Variants in FSTL4 observed in about 807,000 individuals in gnomAD.
FSTL4 encodes follistatin-related protein 4.
FSTL4 carries 28 observed loss-of-function variants against 78.2 expected under a neutral mutation model. The ratio of observed to expected loss-of-function variants is 0.36; its 90% confidence interval spans 0.27 to 0.49. The LOEUF is 0.49. Ranked by LOEUF, FSTL4 falls within the 20% of genes least tolerant of loss-of-function variation. FSTL4 has a pLI of 0.98. For synonymous variants in FSTL4, 422 were observed against 440.5 expected, an observed-to-expected ratio of 0.96 and a Z score of 0.53; for missense variants, 922 against 1,084.9, an observed-to-expected ratio of 0.85 and a Z score of 2.11.
At chr5:133,625,470 T>A in the FSTL4 span, among the ~76,000 whole-genome samples, 3 of 151,466 alleles carry the variant, frequency 2.0e-5, no homozygotes, top group South Asian at 4.2e-4. Flanking sequence ...CCTTGTTTAA[T>A]TCCTGGTATT....
At chr5:133,653,241 C>T in the FSTL4 span, among the ~76,000 whole-genome samples, 1 of 152,194 alleles carries the variant, frequency 6.6e-6, no homozygotes, top group Admixed American at 6.5e-5. Context: ...ATTCTAAAAT[C>T]CCCTCAGTTC....
At chr5:133,805,544 A>C in the FSTL4 span, among the ~76,000 whole-genome samples, 1 of 152,366 alleles carries the variant, frequency 6.6e-6, no homozygotes, top group East Asian at 1.9e-4. Flanking sequence ...CTGTTATTGC[A>C]TGATCTTTTC....
At chr5:133,370,789 T>C (rs1170926971) in intron 4 of FSTL4, among the ~76,000 whole-genome samples, 2 of 150,516 alleles carry the variant, frequency 1.3e-5, no homozygotes, top group African/African-American at 4.9e-5. Context: ...GCAGAGGGGG[T>C]GGTTTCAGGA....
At position 133,199,841 on chromosome 5, in the gene FSTL4, G is replaced by A; in HGVS notation, c.1827-44C>T. The A allele has an allele frequency of 9.7e-7, 1 of 1,028,026 alleles. No homozygotes were observed. The highest frequency in any genetic ancestry group is 1.4e-6 in the Non-Finnish European group (1 of 693,522). The allele number at this position is 1,028,026 out of a possible 1,614,324, so 63.7% of individuals were successfully genotyped here. A position where few individuals can be genotyped will look rare whatever the true frequency, so the allele number is the denominator to read the frequency against. On this transcript the variant is annotated intron_variant, in intron 15 of 15. Transcript: ENST00000265342. The surrounding 1 kb of genome is among the most constrained non-coding windows in gnomAD (Gnocchi z 4.4). The stretch of plus-strand genomic sequence containing the variant: ...AGGTCAGAAGTTGCCTCCAGGGGTG[G>A]GGAATCTGTCATTTGTCTTAAACAA...
upstream of FSTL4, chr5:133,612,643 G>C (rs551961884): frequency 3.7e-4 from 56 of 151,864 alleles, no homozygotes; most frequent in African/African-American, 1.0e-3. This position sits in a 1 kb window ranked among gnomAD's most constrained non-coding sequence, Gnocchi z 6.2. Flanking sequence ...AGACCCGCGC[G>C]GCGGCCACGG....
chr5:133,669,032 C>A, the FSTL4 span, among the ~76,000 whole-genome samples: 1 of 152,154 alleles, frequency 6.6e-6, no homozygotes, highest in Non-Finnish European at 1.5e-5. Context: ...TTGCTATTAG[C>A]ATCACAATTC....
the FSTL4 span, among the ~76,000 whole-genome samples, chr5:133,760,987 A>G: frequency 6.6e-6 from 1 of 152,186 alleles, no homozygotes; most frequent in East Asian, 1.9e-4. Context: ...GCATGGCGGA[A>G]GCTCCTTGCA....
At chr5:133,568,900 G>C (rs1760088771) in intron 2 of FSTL4, among the ~76,000 whole-genome samples, 1 of 152,180 alleles carries the variant, frequency 6.6e-6, no homozygotes, top group South Asian at 2.1e-4. Context: ...ATATAATGTT[G>C]CATGTTCTTA....
intron 6 of FSTL4, among the ~76,000 whole-genome samples, chr5:133,257,384 C>T (rs572231524): frequency 5.9e-5 from 9 of 152,274 alleles, no homozygotes; most frequent in Non-Finnish European, 1.0e-4. Flanking sequence ...GTCCTGCTAT[C>T]GAGACATCCT....
At chr5:133,333,054 A>C (rs1051088058) in intron 4 of FSTL4, among the ~76,000 whole-genome samples, 1 of 151,728 alleles carries the variant, frequency 6.6e-6, no homozygotes, top group Non-Finnish European at 1.5e-5. Context: ...ATACACACAC[A>C]CTCACTCACA....
At chr5:133,419,278 C>G (rs2126985865) in intron 3 of FSTL4, among the ~76,000 whole-genome samples, 1 of 152,286 alleles carries the variant, frequency 6.6e-6, no homozygotes, top group East Asian at 1.9e-4. Context: ...TGCCACCATG[C>G]CCAGCTAATT....
the FSTL4 span, among the ~76,000 whole-genome samples, chr5:133,719,797 T>C: frequency 3.7e-3 from 557 of 152,266 alleles, 3 homozygotes; most frequent in African/African-American, 0.013. Context: ...ATGCCAATTT[T>C]CAGTTATTTT....
At chr5:133,402,893 G>A (rs911675400) in intron 3 of FSTL4, among the ~76,000 whole-genome samples, 3 of 152,226 alleles carry the variant, frequency 2.0e-5, no homozygotes, top group South Asian at 2.1e-4. Flanking sequence ...GGCATTCAGC[G>A]GCCCCTCTGC....
the FSTL4 span, among the ~76,000 whole-genome samples, chr5:133,766,137 G>T: frequency 6.6e-6 from 1 of 152,234 alleles, no homozygotes; most frequent in African/African-American, 2.4e-5. Context: ...CTGCATAAAT[G>T]CAGGGGTCAG....
chr5:133,273,874 G>A (rs763869642), intron 6 of FSTL4, among the ~76,000 whole-genome samples: 2 of 152,132 alleles, frequency 1.3e-5, no homozygotes, highest in Non-Finnish European at 2.9e-5. Context: ...GGGCATGCAG[G>A]AGGTGCTGAC....
the FSTL4 span, among the ~76,000 whole-genome samples, chr5:133,839,699 A>G: frequency 6.6e-6 from 1 of 152,318 alleles, no homozygotes; most frequent in East Asian, 1.9e-4. Context: ...AAATTGCCTT[A>G]TGGGAGCTAA....
intron 14 of FSTL4, among the ~76,000 whole-genome samples, chr5:133,207,593 G>A (rs1244814856): frequency 6.6e-6 from 1 of 152,050 alleles, no homozygotes; most frequent in African/African-American, 2.4e-5. Flanking sequence ...AATAAAATGA[G>A]GTTTAAAGTG....
intron 3 of FSTL4, among the ~76,000 whole-genome samples, chr5:133,512,933 T>TTA: frequency 6.6e-6 from 1 of 152,338 alleles, no homozygotes; most frequent in East Asian, 1.9e-4. Context: ...TTCTCATGCC[T>TTA]TAGCCTCTTG....
chr5:133,644,799 A>G, the FSTL4 span, among the ~76,000 whole-genome samples: 1 of 152,098 alleles, frequency 6.6e-6, no homozygotes, highest in African/African-American at 2.4e-5. Flanking sequence ...GATTGTGGTC[A>G]ACATCCACAA....
Sources: gnomAD v4.1 joint callset for allele counts (sites outside exome capture counted in the v4.1 genomes callset) on GRCh38, gnomAD v4.1.1 for gene constraint, Gnocchi (gnomAD v3.1) non-coding constraint, MANE v1.5 for transcripts, NCBI Gene and HGNC (gene_info 2026-07-23, HGNC 2026-07-21) for gene names.